Variants in KIAA1586 observed in about 807,000 individuals in gnomAD.
KIAA1586 encodes E3 SUMO-protein ligase KIAA1586.
Under a neutral mutation model 6.1 loss-of-function variants are expected in KIAA1586, and 5 were observed. The ratio of observed to expected loss-of-function variants is 0.82; its 90% CI spans 0.43 to 1.73. The LOEUF (loss-of-function observed/expected upper bound fraction) is 1.73. Ranked by LOEUF, KIAA1586 falls within the 40% of genes most tolerant of loss-of-function variation. The pLI is 0.02. For synonymous variants in KIAA1586, 280 were observed against 301.7 expected, an observed-to-expected ratio of 0.93 and a Z score of 0.75; for missense variants, 899 against 878.2, an observed-to-expected ratio of 1.02 and a Z score of -0.30.
At chr6:57,056,909 A>G (rs1828507836), downstream of KIAA1586, among the ~76,000 whole-genome samples, 1 of 152,104 alleles carries the variant, frequency 6.6e-6, no homozygotes, top group Non-Finnish European at 1.5e-5. Flanking sequence ...TATGAATAAA[A>G]GCCTAAATAA....
At position 57,052,827 on chromosome 6, in the gene KIAA1586, TATA is replaced by T. The variant is rs751628356; in HGVS notation, c.329_331del (p.Tyr110_Ile111delinsPhe). ...TAAGGCAAAGGAACCACATTTCGAG[TATA>T]TTGAACAACCAATCATTGAAGAAAA... On this transcript the variant is annotated inframe_deletion, in exon 4 of 4. Transcript: ENST00000370733. 1 of 1,613,406 alleles carries T rather than the reference TATA, an allele frequency of 6.2e-7. No individual in the cohort carries two copies. Among genetic ancestry groups the T allele is most frequent in the Non-Finnish European group, 8.5e-7 (1 of 1,179,660 alleles).
chr6:57,054,170 C>G lies in KIAA1586; in HGVS notation c.1671C>G (p.Ile557Met). Reference protein sequence around the residue: ...STNIKKAQKLIKRTIRALENL... With the variant: ...STNIKKAQKLMKRTIRALENL... ...ATATTAAGAAAGCACAAAAATTGATCAAACGTACCATAAGAGCTTTGGAAA... is the reference window on the plus strand; with the variant it reads ...ATATTAAGAAAGCACAAAAATTGATGAAACGTACCATAAGAGCTTTGGAAA... Residue 557 changes from isoleucine (I) to methionine (M), a missense_variant, in exon 4 of 4, where the codon ATC becomes ATG. Transcript: ENST00000370733. 1.3e-6 allele frequency: 2 copies of G among 1,586,858 alleles called. No individual in the cohort carries two copies. The highest frequency in any genetic ancestry group is 1.7e-6 in the Non-Finnish European group (2 of 1,169,868).
chr6:57,064,776 T>C, the KIAA1586 span, among the ~76,000 whole-genome samples: 1 of 152,162 alleles, frequency 6.6e-6, no homozygotes. Flanking sequence ...AATTTTTGTG[T>C]GTATATCCCT....
downstream of KIAA1586, among the ~76,000 whole-genome samples, chr6:57,059,467 T>C (rs1024146119): frequency 1.3e-5 from 2 of 151,728 alleles, no homozygotes; most frequent in Non-Finnish European, 2.9e-5. Flanking sequence ...GGTGGGTGCC[T>C]GTAGTCCCAG....
At chr6:57,047,902 A>G in intron 2 of KIAA1586, among the ~76,000 whole-genome samples, 1 of 131,536 alleles carries the variant, frequency 7.6e-6, no homozygotes, top group Non-Finnish European at 1.6e-5. Context: ...CACTGGGAAC[A>G]TGCTCTATTT....
chr6:57,050,743 T>C, intron 2 of KIAA1586, 31 bp from the exon 3 acceptor site: 1 of 1,448,016 alleles, frequency 6.9e-7, no homozygotes, highest in East Asian at 2.3e-5. Context: ...TGATTGTTCA[T>C]GACTTGTAAA....
intron 3 of KIAA1586, 125 bp downstream of exon 3, chr6:57,050,979 C>G: frequency 1.5e-6 from 1 of 665,300 alleles, no homozygotes; most frequent in South Asian, 1.8e-5. Flanking sequence ...CTTGTAATCC[C>G]AGCACTTTGG....
At position 57,054,817 on chromosome 6, in the gene KIAA1586, CAA is replaced by C. The variant is rs779404678; in HGVS notation, c.2321_2322del (p.Lys774SerfsTer4). 1 of 1,550,748 alleles carries C rather than the reference CAA, an allele frequency of 6.4e-7. No homozygotes were observed. The highest frequency in any genetic ancestry group is 1.4e-5 in the African/African-American group (1 of 73,072). On this transcript the variant is annotated frameshift_variant, in exon 4 of 4. Transcript: ENST00000370733. LOFTEE classifies it high-confidence loss of function. ...GATACAAGAGTTCGGCAAAAGTCAA[CAA>C]AAGTCTTCCATGAGAATCAATTGGC...
At chr6:57,046,942 C>T (rs1402654478) in intron 1 of KIAA1586, 166 bp downstream of exon 1, 2 of 989,348 alleles carry the variant, frequency 2.0e-6, no homozygotes, top group African/African-American at 4.2e-5. Context: ...GAGCGAGGAA[C>T]CCGCAGCAAC....
At chr6:57,049,273 C>G (rs560332073) in intron 2 of KIAA1586, among the ~76,000 whole-genome samples, 9 of 152,264 alleles carry the variant, frequency 5.9e-5, no homozygotes, top group Non-Finnish European at 1.0e-4. Context: ...TAACCCCATC[C>G]TATACTGGGC....
At position 57,054,453 on chromosome 6, in the gene KIAA1586, G is replaced by GA. The variant is rs775455682; in HGVS notation, c.1960dup (p.Thr654AsnfsTer7). 2.5e-6 allele frequency: 4 copies of GA among 1,605,104 alleles called. No homozygotes were observed. In the South Asian group the frequency reaches 4.5e-5, roughly 18 times the overall value. ...AATAACTTCACCATGGATAGCTGGT[G>GA]AAAAAACATTATTTCATTTGTGTAA... is the stretch of plus-strand genomic sequence containing the variant. On this transcript the variant is annotated frameshift_variant, in exon 4 of 4. Transcript: ENST00000370733. LOFTEE classifies it low-confidence loss of function (END_TRUNC).
chr6:57,050,710 GTTAAAT>G, intron 2 of KIAA1586, 58 bp from the exon 3 acceptor site: 4 of 1,173,446 alleles, frequency 3.4e-6, no homozygotes, highest in Non-Finnish European at 3.8e-6. Flanking sequence ...CCCACTGATT[GTTAAAT>G]TTAAGTTTAA....
the KIAA1586 span, among the ~76,000 whole-genome samples, chr6:57,062,440 C>T: frequency 1.3e-5 from 2 of 152,146 alleles, no homozygotes; most frequent in East Asian, 1.9e-4. Context: ...ATTATTATCA[C>T]GTGGGGAAAC....
In KIAA1586 at chr6:57,053,097, C is replaced by A; in HGVS notation, c.598C>A (p.Gln200Lys). The change falls in exon 4 of 4, where the codon CAA becomes AAA. Residue 200 changes from glutamine (Q) to lysine (K), a missense_variant. Transcript: ENST00000370733. ...TAATGGCAGTAATAAAACTACTAGG[C>A]AAGCTTCTCTACGAAAAAAAATTAG... ...TPNGSNKTTR[Q>K]ASLRKKIREH... 6.2e-7 allele frequency: 1 copy of A among 1,610,286 alleles called. No homozygotes were observed. The highest frequency in any genetic ancestry group is 8.5e-7 in the Non-Finnish European group (1 of 1,178,932).
rs182912547 is a variant in KIAA1586, at chr6:57,048,708, T to C, written c.105+1312T>C. ...TTAACTGGTATAAAAACAGGAATGA[T>C]TGGGACAGATGATCTTGATGAGTTT... is the stretch of plus-strand genomic sequence containing the variant. On this transcript the variant is annotated intron_variant, in intron 2 of 3. Transcript: ENST00000370733. Among the ~76,000 whole-genome samples the C allele has an allele frequency of 1.5e-4, 23 of 152,274 alleles. 1 individual carries two copies. Among genetic ancestry groups the C allele is most frequent in the African/African-American group, 5.1e-4 (21 of 41,544 alleles).
rs1441426955 is a variant in KIAA1586 at position 57,050,815 on chromosome 6, C to T, written c.147C>T (p.Val49=). 3 of 1,613,340 alleles carry T rather than the reference C, an allele frequency of 1.9e-6. No individual in the cohort carries two copies. The highest frequency in any genetic ancestry group is 1.7e-5 in the Admixed American group (1 of 59,990). ...CTGTTCTTGAATACATCGATCTGGT[C>T]TGTGGTGATGATGAAAACCCTAGCG... ...SRPVLEYIDL[V]CGDDENPSAY... The change falls in exon 3 of 4, where the codon GTC becomes GTT. Residue 49 remains valine (V), a synonymous_variant. Transcript: ENST00000370733.
At chr6:57,055,982 A>G (rs1204851661), downstream of KIAA1586, among the ~76,000 whole-genome samples, 1 of 152,226 alleles carries the variant, frequency 6.6e-6, no homozygotes, top group Non-Finnish European at 1.5e-5. Context: ...AGAATTAACA[A>G]GAGTTTTTAA....
At chr6:57,059,944 A>C (rs538541069), downstream of KIAA1586, among the ~76,000 whole-genome samples, 114 of 152,140 alleles carry the variant, frequency 7.5e-4, no homozygotes, top group Non-Finnish European at 1.3e-3. Flanking sequence ...ATTTTGGTTC[A>C]AGTCATTATT....
intron 3 of KIAA1586, among the ~76,000 whole-genome samples, 183 bp downstream of exon 3, chr6:57,051,037 C>G (rs1828311336): frequency 6.6e-6 from 1 of 151,626 alleles, no homozygotes; most frequent in South Asian, 2.1e-4. Flanking sequence ...CGAGACCAGC[C>G]TGGCCAGCAA....
Sources: gnomAD v4.1 joint callset for allele counts (sites outside exome capture counted in the v4.1 genomes callset) on GRCh38, gnomAD v4.1.1 for gene constraint, MANE v1.5 for transcripts, NCBI Gene and HGNC (gene_info 2026-07-23, HGNC 2026-07-21) for gene names.